PTPN14: variants seen among roughly 807,000 people sequenced by gnomAD.
The protein encoded by PTPN14 is tyrosine-protein phosphatase non-receptor type 14.
In PTPN14, 53 loss-of-function variants were observed where a neutral mutation model predicts 126.8. The ratio of observed to expected loss-of-function variants is 0.42; its 90% confidence interval spans 0.34 to 0.53. The LOEUF (loss-of-function observed/expected upper bound fraction) is 0.53, where lower values mean the gene tolerates loss of function less well. PTPN14 is among the 20% of genes least tolerant of loss of function. The pLI, the probability that PTPN14 is intolerant of heterozygous loss-of-function variation, is 0.08. For missense variants in PTPN14, 1,257 were observed against 1,552.9 expected (o/e 0.81, Z 3.20); for synonymous variants, 630 against 599.3 (o/e 1.05, Z -0.75).
At chr1:214,392,129 C>T (rs964189383) in intron 10 of PTPN14, among the ~76,000 whole-genome samples, 2 of 152,010 alleles carry the variant, frequency 1.3e-5, no homozygotes, top group African/African-American at 4.8e-5. Context: ...CAGAGGGATG[C>T]CCCAGGCCAT....
intron 14 of PTPN14, among the ~76,000 whole-genome samples, chr1:214,377,318 A>C (rs1658365884): frequency 6.6e-6 from 1 of 152,190 alleles, no homozygotes; most frequent in South Asian, 2.1e-4. Flanking sequence ...GTGGGAGCTA[A>C]ATGATAAGAA....
chr1:214,387,674 C>CAAAA (rs67415818), intron 11 of PTPN14, among the ~76,000 whole-genome samples: 5 of 85,288 alleles, frequency 5.9e-5, no homozygotes, highest in Non-Finnish European at 9.2e-5. Context: ...AAGACTCCGT[C>CAAAA]AAAAAAAAAA....
intron 1 of PTPN14, among the ~76,000 whole-genome samples, chr1:214,525,208 A>C (rs1488776505): frequency 6.6e-6 from 1 of 152,236 alleles, no homozygotes; most frequent in Non-Finnish European, 1.5e-5. Flanking sequence ...GAGGTACAAC[A>C]GAATATGTAT....
intron 1 of PTPN14, among the ~76,000 whole-genome samples, chr1:214,533,955 T>C (rs574713151): frequency 6.6e-6 from 1 of 152,248 alleles, no homozygotes; most frequent in East Asian, 1.9e-4. Context: ...TATTTTTTAA[T>C]GACTTTCAAA....
Position 214,537,903 on chromosome 1 carries a change from T to C in PTPN14, c.-155+13280A>G, listed in dbSNP as rs571891205. Reference sequence around the variant, plus strand: ...AAATCAAGACAGGTGAAATTAATTTTGACAACAGATTTATCTCAATATACA... The same window carrying C: ...AAATCAAGACAGGTGAAATTAATTTCGACAACAGATTTATCTCAATATACA... On this transcript the variant is annotated intron_variant, in intron 1 of 18. Coordinates refer to ENST00000366956, the MANE Select transcript of PTPN14 (RefSeq NM_005401.5). Among the ~76,000 whole-genome samples the C allele has an allele frequency of 7.2e-5, 11 of 152,350 alleles. No homozygotes were observed. In the South Asian group the frequency reaches 2.3e-3, roughly 32 times the overall value.
At chr1:214,483,022 T>C (rs1661031194) in intron 1 of PTPN14, 2 of 1,588,894 alleles carry the variant, frequency 1.3e-6, no homozygotes, top group Admixed American at 1.7e-5. Context: ...CCCATACTAT[T>C]TCTGCAAGAA....
At chr1:214,428,694 A>G (rs1659732529) in intron 3 of PTPN14, among the ~76,000 whole-genome samples, 1 of 152,220 alleles carries the variant, frequency 6.6e-6, no homozygotes. Flanking sequence ...TGTGCAGTGA[A>G]TAAGTGGACA....
intron 1 of PTPN14, among the ~76,000 whole-genome samples, chr1:214,477,666 T>C (rs7555415): frequency 0.92 from 139,568 of 152,242 alleles, 64,091 homozygotes; most frequent in African/African-American, 0.97. Flanking sequence ...CCTCTAGAGA[T>C]GAGATACTGC....
At position 214,547,909 on chromosome 1, in the gene PTPN14, T is replaced by C. The variant is rs113121037; in HGVS notation, c.-155+3274A>G. Among the ~76,000 whole-genome samples, 4 of 134,136 alleles carry C rather than the reference T, an allele frequency of 3.0e-5. No individual in the cohort carries two copies. The East Asian group carries it at 6.0e-4, about 20-fold the overall frequency. The allele number at this position is 134,136 out of a possible 152,430, so 88.0% of individuals were successfully genotyped here. On this transcript the variant is annotated intron_variant, in intron 1 of 18. Coordinates refer to ENST00000366956, the MANE Select transcript of PTPN14 (RefSeq NM_005401.5). ...ACATGTTTATTTTGAGCCAATAGAC[T>C]GAAAAAAAAAAAAAAGTCAAAAACA...
chr1:214,376,734 G>C (rs540754673), intron 14 of PTPN14, among the ~76,000 whole-genome samples: 72 of 152,180 alleles, frequency 4.7e-4, no homozygotes, highest in Non-Finnish European at 8.8e-4. Flanking sequence ...TAAAGAGACT[G>C]TTAATCTTAA....
At chr1:214,550,626 A>G (rs1571666061) in intron 1 of PTPN14, among the ~76,000 whole-genome samples, 3 of 152,134 alleles carry the variant, frequency 2.0e-5, no homozygotes, top group Admixed American at 6.5e-5. Flanking sequence ...CTTTTTTTCT[A>G]CGAGCCAGCT....
intron 11 of PTPN14, among the ~76,000 whole-genome samples, chr1:214,388,301 T>A (rs1312180772): frequency 7.2e-5 from 11 of 152,164 alleles, no homozygotes; most frequent in Admixed American, 7.2e-4. Context: ...AGGTTCCAGG[T>A]AAGAATTTGT....
At chr1:214,425,878 G>A (rs937551781) in intron 3 of PTPN14, among the ~76,000 whole-genome samples, 3 of 151,898 alleles carry the variant, frequency 2.0e-5, no homozygotes, top group Non-Finnish European at 4.4e-5. Flanking sequence ...CTGCAAGATA[G>A]CCACTATCCC....
intron 1 of PTPN14, among the ~76,000 whole-genome samples, chr1:214,502,615 T>C (rs1319347265): frequency 3.9e-5 from 6 of 152,094 alleles, no homozygotes; most frequent in Admixed American, 3.3e-4. Flanking sequence ...CACCTCAGCC[T>C]CCCAAAGTGC....
chr1:214,544,016 C>G (rs1472776828), intron 1 of PTPN14, among the ~76,000 whole-genome samples: 1 of 152,190 alleles, frequency 6.6e-6, no homozygotes, highest in Non-Finnish European at 1.5e-5. Context: ...CTAAGATGAA[C>G]TGAATAAGAT....
intron 3 of PTPN14, among the ~76,000 whole-genome samples, chr1:214,447,349 T>A (rs146131433): frequency 1.0e-3 from 156 of 152,254 alleles, no homozygotes; most frequent in African/African-American, 3.6e-3. Context: ...TCACCTTGTG[T>A]TGAGCACATC....
Position 214,411,753 on chromosome 1 carries a change from TGAG to T in PTPN14, c.443-5_443-3del, listed in dbSNP as rs775569596. The T allele has an allele frequency of 6.0e-6, 9 of 1,502,532 alleles. No homozygotes were observed. The highest frequency in any genetic ancestry group is 1.8e-5 in the Admixed American group (1 of 54,602). 93.1% of individuals were successfully genotyped at this position (1,502,532 alleles called of 1,614,324 possible). ...ACTGATTATAGTCTCCAAAATCAGC[TGAG>T]AAGAAAAGAAGATGGAAGGGCAGTA... On this transcript the variant is annotated splice_polypyrimidine_tract_variant and splice_region_variant and intron_variant, in intron 4 of 18. Coordinates refer to ENST00000366956, the MANE Select transcript of PTPN14 (RefSeq NM_005401.5).
chr1:214,458,512 TG>T (rs1308797352), intron 2 of PTPN14, among the ~76,000 whole-genome samples: 2 of 152,184 alleles, frequency 1.3e-5, no homozygotes, highest in African/African-American at 2.4e-5. Flanking sequence ...TGTGAGACTG[TG>T]GCAACTATGA....
Position 214,355,865 on chromosome 1 carries a change from TATGGAA to T in PTPN14, c.*2051_*2056del. ...ACAAAAGCAGCAATGAAGAAAGGCATATGGAACTCTCACAGCAGTCAATTCTAAGAA... is the reference window on the plus strand; with the variant it reads ...ACAAAAGCAGCAATGAAGAAAGGCATCTCTCACAGCAGTCAATTCTAAGAA... On this transcript the variant is annotated 3_prime_UTR_variant, in exon 19 of 19. Transcript: ENST00000366956. 6.6e-6 allele frequency: 1 copy of T among 152,044 alleles called. No homozygotes were observed. The highest frequency in any genetic ancestry group is 2.1e-4 in the South Asian group (1 of 4,826). The allele number at this position is 152,044 out of a possible 1,614,324, so 9.4% of individuals were successfully genotyped here.
Sources: gnomAD v4.1 joint callset for allele counts (sites outside exome capture counted in the v4.1 genomes callset) on GRCh38, gnomAD v4.1.1 for gene constraint, MANE v1.5 for transcripts, NCBI Gene and HGNC (gene_info 2026-07-23, HGNC 2026-07-21) for gene names.